The following IQSEC1 variants were observed in gnomAD, a reference collection of about 807,000 sequenced individuals.
IQSEC1 encodes IQ motif and Sec7 domain ArfGEF 1, also known as IQ motif and SEC7 domain-containing protein 1.
A neutral mutation model predicts 91.0 loss-of-function variants in IQSEC1; 31 were observed. The observed-to-expected ratio is 0.34, with a 90% confidence interval of 0.26 to 0.46. IQSEC1 has a LOEUF of 0.46. Among genes scored for constraint, IQSEC1 ranks in the 20% least tolerant of loss-of-function variants. IQSEC1 has a pLI of 1.00. For synonymous variants in IQSEC1, 699 were observed against 662.6 expected, an observed-to-expected ratio of 1.05 and a Z score of -0.84; for missense variants, 1,388 against 1,575.6, an observed-to-expected ratio of 0.88 and a Z score of 2.02.
intron 2 of IQSEC1, among the ~76,000 whole-genome samples, chr3:13,136,377 C>T (rs1182433704): frequency 1.3e-5 from 2 of 152,126 alleles, no homozygotes; most frequent in South Asian, 2.1e-4. Flanking sequence ...AAATTGGGGC[C>T]GGGAATGATC....
chr3:13,192,957 C>T (rs950723398), intron 1 of IQSEC1, among the ~76,000 whole-genome samples: 12 of 152,242 alleles, frequency 7.9e-5, no homozygotes, highest in Admixed American at 3.3e-4. Flanking sequence ...TGAGGCCTCA[C>T]GCTGGCATCC....
chr3:12,955,884 T>TG (rs1323264124), intron 1 of IQSEC1, among the ~76,000 whole-genome samples: 26 of 151,896 alleles, frequency 1.7e-4, no homozygotes, highest in African/African-American at 6.3e-4. Flanking sequence ...AGATTCTGTG[T>TG]GGGGGGTTCA....
intron 1 of IQSEC1, among the ~76,000 whole-genome samples, chr3:13,194,979 A>C (rs1305342288): frequency 1.3e-5 from 2 of 152,086 alleles, no homozygotes; most frequent in South Asian, 4.1e-4. Flanking sequence ...AATCCACACA[A>C]AGAAAAAGCA....
At position 12,899,363 on chromosome 3, in the gene IQSEC1, CG is replaced by C. The variant is rs745677581; in HGVS notation, c.*1619del. On this transcript the variant is annotated 3_prime_UTR_variant, in exon 14 of 14. Coordinates refer to ENST00000613206, the MANE Select transcript of IQSEC1 (RefSeq NM_001134382.3). ...AAAGGGCCTCCGCCTGGGCAGGCGC[CG>C]GGGGGCAGTCCTCGGGTCCCATGGC... The C allele has an allele frequency of 2.0e-5, 32 of 1,610,636 alleles. No homozygotes were observed. The highest frequency in any genetic ancestry group is 2.7e-5 in the African/African-American group (2 of 74,064).
intron 9 of IQSEC1, among the ~76,000 whole-genome samples, chr3:12,911,952 G>C (rs1261008757): frequency 6.6e-6 from 1 of 152,230 alleles, no homozygotes; most frequent in African/African-American, 2.4e-5. Flanking sequence ...ACCTGACATA[G>C]AGGCGGTAGG....
chr3:13,169,279 A>G (rs1444071672), intron 1 of IQSEC1, among the ~76,000 whole-genome samples: 1 of 152,184 alleles, frequency 6.6e-6, no homozygotes, highest in Admixed American at 6.5e-5. Flanking sequence ...TCTTTGCCTG[A>G]CGCCATCCAC....
intron 2 of IQSEC1, among the ~76,000 whole-genome samples, chr3:13,115,567 A>G (rs1706321600): frequency 6.6e-6 from 1 of 152,158 alleles, no homozygotes; most frequent in Non-Finnish European, 1.5e-5. Flanking sequence ...TTTCCTCACT[A>G]GTAGAGCAGG....
rs193153327 is a variant in IQSEC1 at position 13,154,543 on chromosome 3, T to C, written c.302+9561A>G. ...TAGACAGTTACTCATTAATAGGTGG[T>C]GCTTCAATACCCTGTTCTCCATAAC... is the stretch of plus-strand genomic sequence containing the variant. On this transcript the variant is annotated intron_variant, in intron 2 of 15. Coordinates refer to the IQSEC1 transcript ENST00000648114. 5.7e-4 allele frequency among the ~76,000 whole-genome samples: 81 copies of C among 143,256 alleles called. 1 individual carries two copies. The highest frequency in any genetic ancestry group is 1.5e-4 in the Non-Finnish European group (10 of 66,306). 94.0% of individuals were successfully genotyped at this position (143,256 alleles called of 152,430 possible).
At chr3:13,128,231 C>T (rs1403821328) in intron 2 of IQSEC1, among the ~76,000 whole-genome samples, 2 of 152,190 alleles carry the variant, frequency 1.3e-5, no homozygotes, top group African/African-American at 4.8e-5. Context: ...GACATTCTTG[C>T]CTTGTTCCCA....
chr3:13,074,047 A>AG (rs1705519968), upstream of IQSEC1, among the ~76,000 whole-genome samples: 1 of 152,100 alleles, frequency 6.6e-6, no homozygotes, highest in Non-Finnish European at 1.5e-5. Flanking sequence ...TGTGCCGGGC[A>AG]AGTATCTGCC....
intron 2 of IQSEC1, among the ~76,000 whole-genome samples, chr3:13,144,793 G>T (rs1433588670): frequency 6.6e-6 from 1 of 152,206 alleles, no homozygotes; most frequent in African/African-American, 2.4e-5. Context: ...TAGCCCAGGA[G>T]CTCTGCTGAG....
At chr3:12,917,497 C>T (rs1023998184) in intron 6 of IQSEC1, among the ~76,000 whole-genome samples, 2 of 152,212 alleles carry the variant, frequency 1.3e-5, no homozygotes, top group Non-Finnish European at 2.9e-5. Context: ...TCACATAGCA[C>T]GCAGCCTGTT....
In IQSEC1 at chr3:12,940,116, T is replaced by A. The variant is rs564012524; in HGVS notation, c.318+1455A>T. Among the ~76,000 whole-genome samples the A allele has an allele frequency of 6.6e-6, 1 of 152,172 alleles. No homozygotes were observed. The highest frequency in any genetic ancestry group is 2.4e-5 in the African/African-American group (1 of 41,448). ...TGTTTAAATGGCTCTGTTGCAGACA[T>A]CTCTTACTATAAACCGTGGTCCACT... On this transcript the variant is annotated intron_variant, in intron 2 of 13. Transcript: ENST00000613206. The surrounding 1 kb of genome is among the most constrained non-coding windows in gnomAD (Gnocchi z 4.4).
rs555779581 is a variant in IQSEC1 at position 13,194,964 on chromosome 3, C to T, written c.273-30831G>A. On this transcript the variant is annotated intron_variant, in intron 1 of 15. Coordinates refer to the IQSEC1 transcript ENST00000648114. ...AAGAGTTCATAGACTTGACCCCAAA[C>T]CCACAATCCACACAAAGAAAAAGCA... 2.6e-5 allele frequency among the ~76,000 whole-genome samples: 4 copies of T among 152,274 alleles called. No individual in the cohort carries two copies. In the East Asian group the frequency reaches 7.7e-4, roughly 29 times the overall value.
At chr3:13,028,951 C>T (rs1203126411) in intron 1 of IQSEC1, among the ~76,000 whole-genome samples, 1 of 152,120 alleles carries the variant, frequency 6.6e-6, no homozygotes. Context: ...ACAAGCCGTT[C>T]CTCACACCTT....
chr3:12,911,782 A>G, intron 9 of IQSEC1, 54 bp from the exon 10 acceptor site: 3 of 1,218,372 alleles, frequency 2.5e-6, no homozygotes, highest in Non-Finnish European at 3.6e-6. Flanking sequence ...GGCACTGACT[A>G]TGTGGGACCT....
intron 1 of IQSEC1, among the ~76,000 whole-genome samples, chr3:13,240,779 C>A (rs557681179): frequency 3.9e-5 from 6 of 152,170 alleles, no homozygotes; most frequent in African/African-American, 1.4e-4. Context: ...CGGGAGGATG[C>A]AGGTGCCAAC....
At chr3:13,252,845 G>A (rs1410631253) in intron 1 of IQSEC1, among the ~76,000 whole-genome samples, 1 of 152,088 alleles carries the variant, frequency 6.6e-6, no homozygotes. Context: ...CCATTCTCCT[G>A]CCTCAGCCTC....
chr3:13,010,605 C>T (rs1702839862), intron 1 of IQSEC1, among the ~76,000 whole-genome samples: 1 of 152,192 alleles, frequency 6.6e-6, no homozygotes, highest in South Asian at 2.1e-4. Flanking sequence ...CCGAATCCAA[C>T]TGTACCTGAA....
Sources: allele counts gnomAD v4.1 joint callset (sites outside exome capture counted in the v4.1 genomes callset), GRCh38; gene constraint gnomAD v4.1.1; non-coding constraint Gnocchi (gnomAD v3.1); transcripts MANE v1.5; gene names NCBI Gene and HGNC (gene_info 2026-07-23, HGNC 2026-07-21).